The following CNTNAP5 variants were observed in gnomAD, a reference collection of about 807,000 sequenced individuals.
CNTNAP5 encodes contactin associated protein family member 5, also known as contactin-associated protein-like 5.
CNTNAP5 carries 72 observed loss-of-function variants against 150.2 expected under a neutral mutation model. That is an observed-to-expected ratio of 0.48 (90% confidence interval 0.40 to 0.58). The LOEUF (loss-of-function observed/expected upper bound fraction) is 0.58. Ranked by LOEUF, CNTNAP5 falls within the 20% of genes least tolerant of loss-of-function variation. CNTNAP5 has a pLI of 0.00. For missense variants in CNTNAP5, 1,636 were observed against 1,626.2 expected (o/e 1.01, Z -0.10); for synonymous variants, 672 against 619.8 (o/e 1.08, Z -1.25).
intron 1 of CNTNAP5, among the ~76,000 whole-genome samples, chr2:124,212,537 T>G (rs960180940): frequency 1.3e-5 from 2 of 152,230 alleles, no homozygotes; most frequent in African/African-American, 4.8e-5. Flanking sequence ...TTTTGGTTTA[T>G]GAATTTTACC....
intron 19 of CNTNAP5, among the ~76,000 whole-genome samples, chr2:124,815,611 C>T (rs1682344946): frequency 6.6e-6 from 1 of 152,214 alleles, no homozygotes; most frequent in South Asian, 2.1e-4. Context: ...CTTACAACTA[C>T]ATTGCACCCT....
At chr2:124,722,088 A>G (rs1324223243) in intron 13 of CNTNAP5, among the ~76,000 whole-genome samples, 2 of 152,040 alleles carry the variant, frequency 1.3e-5, no homozygotes, top group South Asian at 2.1e-4. Context: ...AAGACCTTAT[A>G]TCTTAATAGA....
At chr2:124,381,825 C>T (rs1246549842) in intron 3 of CNTNAP5, among the ~76,000 whole-genome samples, 1 of 151,870 alleles carries the variant, frequency 6.6e-6, no homozygotes, top group Non-Finnish European at 1.5e-5. Flanking sequence ...AAAGATCTTC[C>T]TGTGGTTGAT....
chr2:124,456,318 T>C (rs1693118556), intron 6 of CNTNAP5, among the ~76,000 whole-genome samples: 1 of 151,696 alleles, frequency 6.6e-6, no homozygotes, highest in East Asian at 1.9e-4. Context: ...CTGCAATAAA[T>C]AAATAAATAA....
chr2:124,712,946 T>C (rs1163539453), intron 13 of CNTNAP5, among the ~76,000 whole-genome samples: 1 of 152,160 alleles, frequency 6.6e-6, no homozygotes, highest in East Asian at 2.0e-4. Flanking sequence ...CTGATCCCAT[T>C]ATGAAGCCTC....
intron 1 of CNTNAP5, among the ~76,000 whole-genome samples, chr2:124,164,119 T>C (rs1277399436): frequency 6.6e-6 from 1 of 152,242 alleles, no homozygotes; most frequent in Non-Finnish European, 1.5e-5. Flanking sequence ...ACATGCACTT[T>C]TGAAGTCTTT....
Position 124,463,414 on chromosome 2 carries a change from C to T in CNTNAP5, c.919-11325C>T, listed in dbSNP as rs10432599. ...TTTAAGCCAGGAGCAATAAGGACAACCAAAACAATAAGAAAAATGGTCTGA... is the reference window on the plus strand; with the variant it reads ...TTTAAGCCAGGAGCAATAAGGACAATCAAAACAATAAGAAAAATGGTCTGA... On this transcript the variant is annotated intron_variant, in intron 6 of 23. Coordinates refer to ENST00000682447, the MANE Select transcript of CNTNAP5 (RefSeq NM_001367498.1). Among the ~76,000 whole-genome samples the T allele has an allele frequency of 2.0e-4, 31 of 152,172 alleles. No individual in the cohort carries two copies. The East Asian group carries it at 5.0e-3, about 25-fold the overall frequency.
At chr2:124,354,323 A>G (rs540472846) in intron 3 of CNTNAP5, among the ~76,000 whole-genome samples, 1 of 152,296 alleles carries the variant, frequency 6.6e-6, no homozygotes, top group East Asian at 1.9e-4. Flanking sequence ...AGAGACAGTG[A>G]TTTGGGATCT....
chr2:124,516,807 C>T (rs533582807), intron 8 of CNTNAP5, among the ~76,000 whole-genome samples: 7 of 152,050 alleles, frequency 4.6e-5, no homozygotes, highest in Non-Finnish European at 8.8e-5. Flanking sequence ...AATATGGTGA[C>T]AATTGAAGTG....
At chr2:124,339,606 T>G (rs1689559947) in intron 3 of CNTNAP5, among the ~76,000 whole-genome samples, 1 of 152,158 alleles carries the variant, frequency 6.6e-6, no homozygotes, top group African/African-American at 2.4e-5. Context: ...CATACAAATA[T>G]GTGTAATTGC....
chr2:124,423,232 A>G (rs767321636), intron 4 of CNTNAP5, among the ~76,000 whole-genome samples: 24 of 152,232 alleles, frequency 1.6e-4, no homozygotes, highest in Non-Finnish European at 3.4e-4. Context: ...TGTATGAAAC[A>G]GTGCTTTGCA....
intron 1 of CNTNAP5, among the ~76,000 whole-genome samples, chr2:124,180,571 A>G (rs1685184471): frequency 6.6e-6 from 1 of 152,218 alleles, no homozygotes; most frequent in Non-Finnish European, 1.5e-5. Context: ...TTGAAAATAA[A>G]ATGATAAGTT....
At chr2:124,777,964 A>C (rs535734280) in intron 17 of CNTNAP5, among the ~76,000 whole-genome samples, 4 of 152,130 alleles carry the variant, frequency 2.6e-5, no homozygotes, top group Admixed American at 1.3e-4. Flanking sequence ...TGGCACTTCC[A>C]CTTGTCAACA....
At chr2:124,299,376 C>T (rs923444969) in intron 3 of CNTNAP5, among the ~76,000 whole-genome samples, 3 of 152,146 alleles carry the variant, frequency 2.0e-5, no homozygotes, top group African/African-American at 7.2e-5. Flanking sequence ...GTGCATTTTT[C>T]CCTTCTATGT....
chr2:124,324,908 G>A (rs928810686), intron 3 of CNTNAP5, among the ~76,000 whole-genome samples: 1 of 152,128 alleles, frequency 6.6e-6, no homozygotes, highest in African/African-American at 2.4e-5. Flanking sequence ...TTATGAGTAG[G>A]AAAGACATAA....
At chr2:124,477,124 A>G (rs545079302) in intron 7 of CNTNAP5, among the ~76,000 whole-genome samples, 3 of 152,248 alleles carry the variant, frequency 2.0e-5, no homozygotes, top group South Asian at 4.1e-4. Flanking sequence ...AGGGAAAACT[A>G]TGTTACTTCA....
intron 18 of CNTNAP5, among the ~76,000 whole-genome samples, chr2:124,793,466 C>G (rs1681780337): frequency 2.0e-5 from 3 of 152,094 alleles, no homozygotes; most frequent in Admixed American, 2.0e-4. Context: ...AATGTTTTCT[C>G]CAGTTCTATG....
chr2:124,391,964 AAAC>A (rs1490826499), intron 3 of CNTNAP5, among the ~76,000 whole-genome samples: 2 of 152,166 alleles, frequency 1.3e-5, no homozygotes, highest in African/African-American at 4.8e-5. Context: ...CCAAAAACAA[AAAC>A]AACAAAAAAG....
chr2:124,471,654 G>A (rs758418325), intron 6 of CNTNAP5, among the ~76,000 whole-genome samples: 6 of 152,112 alleles, frequency 3.9e-5, no homozygotes, highest in Non-Finnish European at 7.4e-5. Flanking sequence ...TTTTCAAGGG[G>A]AATGCTTCTG....
Sources: gnomAD v4.1 joint callset for allele counts (sites outside exome capture counted in the v4.1 genomes callset) on GRCh38, gnomAD v4.1.1 for gene constraint, MANE v1.5 for transcripts, NCBI Gene and HGNC (gene_info 2026-07-23, HGNC 2026-07-21) for gene names.